MYO10: variants seen among roughly 807,000 people sequenced by gnomAD.
MYO10 encodes the protein myosin X.
MYO10 carries 133 observed loss-of-function variants against 257.3 expected under a neutral mutation model. The observed-to-expected ratio is 0.52, with a 90% CI of 0.45 to 0.60. The LOEUF (loss-of-function observed/expected upper bound fraction) is 0.60, where lower values mean the gene tolerates loss of function less well. Among genes scored for constraint, MYO10 ranks in the 20% least tolerant of loss-of-function variants. The pLI is 0.00. For missense variants in MYO10, 2,399 were observed against 2,635.7 expected (o/e 0.91, Z 1.97); for synonymous variants, 1,104 against 1,028.6 (o/e 1.07, Z -1.40).
intron 19 of MYO10, among the ~76,000 whole-genome samples, chr5:16,746,251 G>T (rs926781442): frequency 4.3e-4 from 65 of 152,156 alleles, no homozygotes; most frequent in African/African-American, 1.5e-3. Flanking sequence ...GGTCACTCTC[G>T]TGGCCATCTT....
intron 4 of MYO10, among the ~76,000 whole-genome samples, chr5:16,790,605 T>C (rs1416016456): frequency 6.6e-6 from 1 of 152,182 alleles, no homozygotes; most frequent in East Asian, 1.9e-4. Context: ...CTTTGCCTGC[T>C]TCCATCCATG....
At position 16,777,839 on chromosome 5, in the gene MYO10, CTTTTT is replaced by C. The variant is rs61326508; in HGVS notation, c.930+1701_930+1705del. On this transcript the variant is annotated intron_variant, in intron 9 of 40. Transcript: ENST00000513610. ...GCCACCCTAGGTGCATTGCATCTAA[CTTTTT>C]TTTTTTTTTTTTTTTTTTTTTTTGA... 1.3e-3 allele frequency among the ~76,000 whole-genome samples: 111 copies of C among 88,480 alleles called. 3 individuals are homozygous for C. The Middle Eastern group carries it at 0.02, about 16-fold the overall frequency. 58.0% of individuals were successfully genotyped at this position (88,480 alleles called of 152,430 possible).
chr5:16,766,018 C>G (rs1334862022), intron 11 of MYO10, 62 bp downstream of exon 11: 2 of 1,156,954 alleles, frequency 1.7e-6, no homozygotes, highest in African/African-American at 3.0e-5. Flanking sequence ...TCAATCAAAC[C>G]TATGGATCTG....
At chr5:16,769,847 C>T (rs1740991856) in intron 9 of MYO10, among the ~76,000 whole-genome samples, 1 of 152,166 alleles carries the variant, frequency 6.6e-6, no homozygotes, top group Admixed American at 6.5e-5. Flanking sequence ...GTACAGCTAT[C>T]AGAGTGTAAT....
intron 19 of MYO10, among the ~76,000 whole-genome samples, chr5:16,716,004 T>C (rs1738853621): frequency 1.3e-5 from 2 of 149,788 alleles, no homozygotes. Flanking sequence ...TGCAGTGAGC[T>C]GAGATCGCAC....
intron 4 of MYO10, among the ~76,000 whole-genome samples, chr5:16,793,738 T>C (rs572586761): frequency 1.3e-5 from 2 of 152,260 alleles, no homozygotes; most frequent in Non-Finnish European, 2.9e-5. Context: ...AAGACCAGCC[T>C]GACCAACACA....
Position 16,925,600 on chromosome 5 carries a change from T to C in MYO10, c.21+10188A>G, listed in dbSNP as rs144489997. On this transcript the variant is annotated intron_variant, in intron 1 of 40. Coordinates refer to ENST00000513610, the MANE Select transcript of MYO10 (RefSeq NM_012334.3). ...CTAACTTTTGTATTTTTAGTAGAGA[T>C]GAGGTTTCACCTTGTTGGCCAGGCT... Among the ~76,000 whole-genome samples the C allele has an allele frequency of 1.4e-3, 206 of 152,174 alleles. 1 individual carries two copies. The East Asian group carries it at 0.032, about 24-fold the overall frequency.
intron 19 of MYO10, among the ~76,000 whole-genome samples, chr5:16,712,870 A>G (rs2126581277): frequency 6.6e-6 from 1 of 152,356 alleles, no homozygotes; most frequent in East Asian, 1.9e-4. Context: ...AATTATCCTC[A>G]GAAAAGTAAG....
chr5:16,928,279 T>C (rs2625189), intron 1 of MYO10, among the ~76,000 whole-genome samples: 72,128 of 151,526 alleles, frequency 0.48, 17,520 homozygotes, highest in African/African-American at 0.55. Context: ...ACCGTAATCT[T>C]CACCTCCCGG....
At chr5:16,913,993 C>G (rs1745744623) in intron 1 of MYO10, among the ~76,000 whole-genome samples, 1 of 152,180 alleles carries the variant, frequency 6.6e-6, no homozygotes, top group South Asian at 2.1e-4. Context: ...CAATACAACA[C>G]AGCTAACCTG....
At chr5:16,904,024 C>T (rs1216791821) in intron 1 of MYO10, among the ~76,000 whole-genome samples, 2 of 152,088 alleles carry the variant, frequency 1.3e-5, no homozygotes, top group Non-Finnish European at 2.9e-5. Flanking sequence ...TGGCTGGTAG[C>T]CCCTAGGTGG....
chr5:16,693,923 A>G (rs1341541049), intron 27 of MYO10, among the ~76,000 whole-genome samples: 2 of 152,226 alleles, frequency 1.3e-5, no homozygotes, highest in Non-Finnish European at 2.9e-5. Context: ...TATAACCAAC[A>G]CTGGTATAAC....
intron 19 of MYO10, among the ~76,000 whole-genome samples, chr5:16,735,163 C>T (rs570706884): frequency 6.6e-6 from 1 of 152,304 alleles, no homozygotes; most frequent in South Asian, 2.1e-4. Context: ...GCTTTATCAT[C>T]TTGTTCGCCA....
At chr5:16,705,539 G>T (rs529208318) in intron 21 of MYO10, among the ~76,000 whole-genome samples, 9 of 152,250 alleles carry the variant, frequency 5.9e-5, no homozygotes, top group African/African-American at 1.7e-4. Flanking sequence ...AAGAAATTTT[G>T]AATGATTCCC....
At chr5:16,877,515 T>G (rs1744635537) in intron 2 of MYO10, 94 bp downstream of exon 2, 1 of 874,480 alleles carries the variant, frequency 1.1e-6, no homozygotes, top group Non-Finnish European at 1.8e-6. Flanking sequence ...GTAAAGCGTG[T>G]GTATGTGTAG....
At chr5:16,814,387 A>T (rs1175123613) in intron 3 of MYO10, 2 of 151,692 alleles carry the variant, frequency 1.3e-5, no homozygotes, top group South Asian at 2.1e-4. Context: ...TGACCTCGTG[A>T]TCCGCCCGCC....
chr5:16,767,091 CAGAAGAGT>C (rs1560974080), intron 10 of MYO10, among the ~76,000 whole-genome samples: 2 of 151,128 alleles, frequency 1.3e-5, no homozygotes, highest in African/African-American at 4.9e-5. Flanking sequence ...CACCAGTATA[CAGAAGAGT>C]ATTCCAAAGG....
chr5:16,790,372 T>C (rs1741714997), intron 4 of MYO10, among the ~76,000 whole-genome samples: 1 of 152,104 alleles, frequency 6.6e-6, no homozygotes, highest in Admixed American at 6.5e-5. Flanking sequence ...TAAGAAGTCA[T>C]ATGTACTGCA....
At chr5:16,759,311 C>G (rs1740630566) in intron 17 of MYO10, among the ~76,000 whole-genome samples, 1 of 152,184 alleles carries the variant, frequency 6.6e-6, no homozygotes. Context: ...GTCACCAGGA[C>G]AGTCAGGGAA....
Sources: gnomAD v4.1 joint callset for allele counts (sites outside exome capture counted in the v4.1 genomes callset) on GRCh38, gnomAD v4.1.1 for gene constraint, MANE v1.5 for transcripts, NCBI Gene and HGNC (gene_info 2026-07-23, HGNC 2026-07-21) for gene names.